Variants in TNFRSF1B observed in about 807,000 individuals in gnomAD.
TNFRSF1B encodes tumor necrosis factor receptor superfamily member 1B.
A neutral mutation model predicts 44.6 loss-of-function variants in TNFRSF1B; 19 were observed. That is an observed-to-expected ratio of 0.43 (90% confidence interval 0.30 to 0.62). The LOEUF is 0.62. Ranked by LOEUF, TNFRSF1B falls within the 20% of genes least tolerant of loss-of-function variation. The pLI, the probability that TNFRSF1B is intolerant of heterozygous loss-of-function variation, is 0.16. For synonymous variants in TNFRSF1B, 252 were observed against 261.1 expected (o/e 0.97, Z 0.34); for missense variants, 541 against 619.9 (o/e 0.87, Z 1.35).
intron 9 of TNFRSF1B, among the ~76,000 whole-genome samples, chr1:12,204,744 T>TAAAC (rs1639463580): frequency 6.6e-6 from 1 of 152,116 alleles, no homozygotes; most frequent in African/African-American, 2.4e-5. Context: ...TTTTTAAATG[T>TAAAC]AAACGCCTGA....
chr1:12,188,701 A>G (rs1570150639), intron 1 of TNFRSF1B, 95 bp from the exon 2 acceptor site: 52 of 1,115,544 alleles, frequency 4.7e-5, no homozygotes, highest in African/African-American at 3.1e-5. Context: ...TGGCAGGGGG[A>G]GGGCCAAACA....
In TNFRSF1B at chr1:12,187,732, A is replaced by T. The variant is rs1430243085; in HGVS notation, c.79-1064A>T. On this transcript the variant is annotated intron_variant, in intron 1 of 9. Transcript: ENST00000376259. This position sits in a 1 kb window ranked among gnomAD's most constrained non-coding sequence, Gnocchi z 5.5. ...CTCAGGTAGGGTCTTCCAGAAGCAG[A>T]GCCTGAGGCAGGGATCTTTGTGAAA... 6.6e-6 allele frequency among the ~76,000 whole-genome samples: 1 copy of T among 152,224 alleles called. No homozygotes were observed. The highest frequency in any genetic ancestry group is 1.5e-5 in the Non-Finnish European group (1 of 68,036).
At chr1:12,191,599 T>G in intron 3 of TNFRSF1B, 175 bp from the exon 4 acceptor site, 3 of 721,514 alleles carry the variant, frequency 4.2e-6, no homozygotes, top group Non-Finnish European at 7.1e-6. Context: ...CTGCGGAGAG[T>G]AGCAGGACTG....
chr1:12,197,087 A>T (rs550337080), intron 8 of TNFRSF1B, among the ~76,000 whole-genome samples: 1 of 151,766 alleles, frequency 6.6e-6, no homozygotes, highest in Non-Finnish European at 1.5e-5. Context: ...AGATGGGACT[A>T]TGGGCATGCG....
In TNFRSF1B at chr1:12,206,762, G is replaced by A; in HGVS notation, c.1128G>A (p.Gly376=). ...CAGATTCTTCCCCTGGTGGCCATGG[G>A]ACCCAGGTCAATGTCACCTGCATCG... ...GSSDSSPGGH[G]TQVNVTCIVN... The change falls in exon 10 of 10, where the codon GGG becomes GGA. Residue 376 remains glycine (G), a synonymous_variant. Coordinates refer to ENST00000376259, the MANE Select transcript of TNFRSF1B (RefSeq NM_001066.3). The A allele has an allele frequency of 6.3e-7, 1 of 1,597,652 alleles. No homozygotes were observed. Among genetic ancestry groups the A allele is most frequent in the Non-Finnish European group, 8.6e-7 (1 of 1,168,092 alleles).
At chr1:12,173,194 A>G (rs977447049) in intron 1 of TNFRSF1B, among the ~76,000 whole-genome samples, 1 of 152,166 alleles carries the variant, frequency 6.6e-6, no homozygotes, top group Non-Finnish European at 1.5e-5. Flanking sequence ...ATCCCTATCT[A>G]TGAAACCTAA....
intron 3 of TNFRSF1B, among the ~76,000 whole-genome samples, chr1:12,191,530 G>A (rs990009901): frequency 1.3e-5 from 2 of 151,150 alleles, no homozygotes; most frequent in African/African-American, 2.4e-5. Flanking sequence ...GGGGACGAGC[G>A]CGACTGCGGG....
At chr1:12,206,148 G>A (rs559398030) in intron 9 of TNFRSF1B, among the ~76,000 whole-genome samples, 5 of 152,208 alleles carry the variant, frequency 3.3e-5, no homozygotes, top group African/African-American at 4.8e-5. Context: ...AGCGCTTTGC[G>A]AGGCTGAGGT....
intron 9 of TNFRSF1B, among the ~76,000 whole-genome samples, chr1:12,205,608 G>C (rs1487909709): frequency 2.0e-5 from 3 of 152,040 alleles, no homozygotes; most frequent in Non-Finnish European, 4.4e-5. Context: ...GGTGACCCTT[G>C]CAGAAGTCAT....
At chr1:12,193,842 C>A (rs17882921) in intron 6 of TNFRSF1B, 113 bp from the exon 7 acceptor site, 4 of 753,996 alleles carry the variant, frequency 5.3e-6, no homozygotes, top group South Asian at 1.5e-5. Flanking sequence ...GGCCTAGACT[C>A]GCCCCTCATT....
chr1:12,191,229 C>A, intron 3 of TNFRSF1B, 144 bp downstream of exon 3: 1 of 1,144,562 alleles, frequency 8.7e-7, no homozygotes, highest in African/African-American at 1.5e-5. Flanking sequence ...TTTACCCCTA[C>A]CACTGGCATT....
At chr1:12,175,417 G>A (rs530892472) in intron 1 of TNFRSF1B, among the ~76,000 whole-genome samples, 1 of 152,232 alleles carries the variant, frequency 6.6e-6, no homozygotes, top group Non-Finnish European at 1.5e-5. Context: ...GAAGGCCCAG[G>A]TGTGGTCCAG....
At chr1:12,179,775 T>C (rs1638749243) in intron 1 of TNFRSF1B, among the ~76,000 whole-genome samples, 1 of 152,182 alleles carries the variant, frequency 6.6e-6, no homozygotes, top group African/African-American at 2.4e-5. Context: ...CTGCATGACC[T>C]TGGACAATTT....
chr1:12,183,297 A>G (rs761490029), intron 1 of TNFRSF1B, among the ~76,000 whole-genome samples: 9 of 152,156 alleles, frequency 5.9e-5, no homozygotes, highest in Non-Finnish European at 1.2e-4. Flanking sequence ...TGGCCCTGGC[A>G]TGGCCCAAAG....
intron 1 of TNFRSF1B, among the ~76,000 whole-genome samples, chr1:12,183,735 A>AGC (rs1557629177): frequency 9.6e-5 from 12 of 125,222 alleles, no homozygotes; most frequent in African/African-American, 2.5e-4. Flanking sequence ...CTATCTATCT[A>AGC]TCTATCTATC....
At chr1:12,203,725 AT>A (rs879548338) in intron 9 of TNFRSF1B, among the ~76,000 whole-genome samples, 95 of 147,654 alleles carry the variant, frequency 6.4e-4, no homozygotes, top group Admixed American at 8.8e-4. Flanking sequence ...GATTCGTCTG[AT>A]TTTTTTTTTT....
At position 12,199,309 on chromosome 1, in the gene TNFRSF1B, G is replaced by A. The variant is rs1230875901; in HGVS notation, c.901-2658G>A. Among the ~76,000 whole-genome samples, 1 of 152,208 alleles carries A rather than the reference G, an allele frequency of 6.6e-6. No homozygotes were observed. Among genetic ancestry groups the A allele is most frequent in the Non-Finnish European group, 1.5e-5 (1 of 68,024 alleles). On this transcript the variant is annotated intron_variant, in intron 8 of 9. Transcript: ENST00000376259. The surrounding 1 kb of genome is among the most constrained non-coding windows in gnomAD (Gnocchi z 4.0). ...CAGTTGTGGGCAGTGACCAGGGTCAGACCACCTGGGCGGAGGTTCAGCATG... is the reference window on the plus strand; with the variant it reads ...CAGTTGTGGGCAGTGACCAGGGTCAAACCACCTGGGCGGAGGTTCAGCATG...
In TNFRSF1B at chr1:12,167,017, G is replaced by A. The variant is rs5745949; in HGVS notation, c.-75G>A. The A allele has an allele frequency of 2.5e-5, 27 of 1,095,358 alleles. No individual in the cohort carries two copies. The East Asian group carries it at 6.8e-4, about 28-fold the overall frequency. The allele number at this position is 1,095,358 out of a possible 1,614,324, so 67.9% of individuals were successfully genotyped here. On this transcript the variant is annotated 5_prime_UTR_variant, in exon 1 of 10. Coordinates refer to ENST00000376259, the MANE Select transcript of TNFRSF1B (RefSeq NM_001066.3). ...GTCGAGGGCTAGCGAGCGCAGCGGA[G>A]CCTGGAGAGAAGGCGCTGGGCTGCG...
At chr1:12,190,021 G>A in intron 2 of TNFRSF1B, among the ~76,000 whole-genome samples, 1 of 152,210 alleles carries the variant, frequency 6.6e-6, no homozygotes, top group East Asian at 1.9e-4. Context: ...GAGGAGGAAG[G>A]AGTGAGCAGG....
Sources: allele counts gnomAD v4.1 joint callset (sites outside exome capture counted in the v4.1 genomes callset), GRCh38; gene constraint gnomAD v4.1.1; non-coding constraint Gnocchi (gnomAD v3.1); transcripts MANE v1.5; gene names NCBI Gene and HGNC (gene_info 2026-07-23, HGNC 2026-07-21).